The following NELL1 variants were observed in gnomAD, a reference collection of about 807,000 sequenced individuals.
The protein encoded by NELL1 is protein kinase C-binding protein NELL1.
Under a neutral mutation model 107.4 loss-of-function variants are expected in NELL1, and 76 were observed. The observed-to-expected ratio is 0.71, with a 90% confidence interval of 0.59 to 0.86. The LOEUF is 0.86. NELL1 is among the 40% of genes least tolerant of loss of function. The probability of loss-of-function intolerance (pLI) is 0.00; values close to 1 mark genes in which losing one functional copy is unlikely to be tolerated. For synonymous variants in NELL1, 353 were observed against 341.2 expected, an observed-to-expected ratio of 1.03 and a Z score of -0.38; for missense variants, 1,024 against 1,005.5, an observed-to-expected ratio of 1.02 and a Z score of -0.25.
chr11:21,437,809 G>A (rs1462750700), intron 15 of NELL1, among the ~76,000 whole-genome samples: 2 of 152,038 alleles, frequency 1.3e-5, no homozygotes, highest in African/African-American at 4.8e-5. Context: ...TGAGTTTCTT[G>A]TAGGCAGCAT....
Position 21,174,429 on chromosome 11 carries a change from A to G in NELL1, c.1427-54903A>G, listed in dbSNP as rs528005151. 1.7e-4 allele frequency among the ~76,000 whole-genome samples: 26 copies of G among 152,002 alleles called. 1 individual carries two copies. Among genetic ancestry groups the G allele is most frequent in the African/African-American group, 6.3e-4 (26 of 41,296 alleles). On this transcript the variant is annotated intron_variant, in intron 13 of 19. Coordinates refer to ENST00000357134, the MANE Select transcript of NELL1 (RefSeq NM_006157.5). Reference sequence around the variant, plus strand: ...GTGAGTGTGTACATAGTCAATAACTAAAAAGGAGCTATTGACCTTGATATA... The same window carrying G: ...GTGAGTGTGTACATAGTCAATAACTGAAAAGGAGCTATTGACCTTGATATA...
intron 12 of NELL1, among the ~76,000 whole-genome samples, chr11:21,010,607 C>T (rs1021350302): frequency 4.6e-5 from 7 of 152,192 alleles, no homozygotes; most frequent in Middle Eastern, 3.4e-3. Context: ...TGGTAATACT[C>T]GCTGTCTAGA....
At chr11:21,469,067 A>G (rs1854105938) in intron 15 of NELL1, among the ~76,000 whole-genome samples, 1 of 152,066 alleles carries the variant, frequency 6.6e-6, no homozygotes, top group Non-Finnish European at 1.5e-5. Context: ...AAGAACAGAC[A>G]TATCCTTGAA....
intron 9 of NELL1, among the ~76,000 whole-genome samples, chr11:20,931,966 C>T (rs1850627967): frequency 6.6e-6 from 1 of 152,074 alleles, no homozygotes; most frequent in South Asian, 2.1e-4. Flanking sequence ...GTTGTCTGCT[C>T]ACTCACTGAG....
chr11:21,411,610 CA>C (rs996970756), intron 15 of NELL1, among the ~76,000 whole-genome samples: 7 of 151,594 alleles, frequency 4.6e-5, no homozygotes, highest in Non-Finnish European at 1.0e-4. Flanking sequence ...AAGAGGTTGC[CA>C]AAAAAACTCA....
At position 21,114,329 on chromosome 11, in the gene NELL1, A is replaced by G. The variant is rs141326298; in HGVS notation, c.1426+615A>G. 3.1e-4 allele frequency among the ~76,000 whole-genome samples: 47 copies of G among 152,134 alleles called. No homozygotes were observed. In the East Asian group the frequency reaches 8.3e-3, roughly 27 times the overall value. ...TTCAATCATGTACATACAGACATGA[A>G]CAGTAAATTGGATAAGGGTGGTAGA... is the stretch of plus-strand genomic sequence containing the variant. On this transcript the variant is annotated intron_variant, in intron 13 of 19. Transcript: ENST00000357134.
At chr11:21,372,586 C>A (rs1350756346) in intron 15 of NELL1, among the ~76,000 whole-genome samples, 2 of 151,724 alleles carry the variant, frequency 1.3e-5, no homozygotes, top group Non-Finnish European at 2.9e-5. Flanking sequence ...CTCACAAAGC[C>A]TGTGTTATCA....
intron 2 of NELL1, among the ~76,000 whole-genome samples, chr11:20,735,371 CA>C (rs1379574638): frequency 1.1e-4 from 17 of 152,138 alleles, no homozygotes. Flanking sequence ...AACTTACAAT[CA>C]TGACAGAAGG....
intron 2 of NELL1, among the ~76,000 whole-genome samples, chr11:20,697,724 A>T (rs1046629053): frequency 6.6e-6 from 1 of 152,114 alleles, no homozygotes; most frequent in Non-Finnish European, 1.5e-5. Context: ...AGTGTGGATA[A>T]AGTCTTAAGA....
At position 20,930,462 on chromosome 11, in the gene NELL1, T is replaced by C. The variant is rs938313229; in HGVS notation, c.997+1983T>C. ...CCATTGTTTGGCTGTTGCATAACTT[T>C]TTTTTAACCAGTCCCAAGTCATTGA... On this transcript the variant is annotated intron_variant, in intron 9 of 19. Transcript: ENST00000357134. Among the ~76,000 whole-genome samples the C allele has an allele frequency of 3.3e-5, 5 of 152,250 alleles. No homozygotes were observed. In the South Asian group the frequency reaches 8.3e-4, roughly 25 times the overall value.
intron 13 of NELL1, among the ~76,000 whole-genome samples, chr11:21,219,732 G>A (rs75907842): frequency 6.6e-6 from 1 of 152,132 alleles, no homozygotes; most frequent in Non-Finnish European, 1.5e-5. Context: ...TAAGGAAGAG[G>A]TTGTCCTTTC....
chr11:21,547,991 A>G (rs573547237), intron 16 of NELL1, among the ~76,000 whole-genome samples: 1 of 151,910 alleles, frequency 6.6e-6, no homozygotes, highest in South Asian at 2.1e-4. Flanking sequence ...TAAATATACA[A>G]TCATGGCGCA....
intron 5 of NELL1, among the ~76,000 whole-genome samples, chr11:20,903,440 C>T (rs576194453): frequency 1.8e-3 from 279 of 152,146 alleles, no homozygotes; most frequent in African/African-American, 6.4e-3. Flanking sequence ...TAGACCTCCT[C>T]ATTGAGAATC....
intron 12 of NELL1, among the ~76,000 whole-genome samples, chr11:21,009,623 A>G (rs774876026): frequency 1.3e-5 from 2 of 152,020 alleles, no homozygotes; most frequent in Non-Finnish European, 2.9e-5. Context: ...TGATTTTGCC[A>G]GTTTGCTGAG....
rs139008935 is a variant in NELL1, at chr11:20,840,151, G to A, written c.336-7432G>A. ...TTTTGGTAGAATTCCATTTTTATAA[G>A]TTAAAAGAAAATGTATAGTTATATA... On this transcript the variant is annotated intron_variant, in intron 3 of 19. Coordinates refer to ENST00000357134, the MANE Select transcript of NELL1 (RefSeq NM_006157.5). Among the ~76,000 whole-genome samples the A allele has an allele frequency of 3.8e-3, 576 of 152,220 alleles. 5 individuals carry two copies. The highest frequency in any genetic ancestry group is 0.013 in the African/African-American group (548 of 41,540).
intron 13 of NELL1, among the ~76,000 whole-genome samples, chr11:21,226,218 G>T (rs1054148006): frequency 5.9e-5 from 9 of 152,144 alleles, no homozygotes; most frequent in South Asian, 2.1e-4. Context: ...AAGTTCTATG[G>T]CCTTTGTTCT....
chr11:21,295,019 T>C (rs1041321517), intron 14 of NELL1, among the ~76,000 whole-genome samples: 2 of 152,250 alleles, frequency 1.3e-5, no homozygotes, highest in East Asian at 1.9e-4. Context: ...GTTTTCGTTC[T>C]GTTATTCCAC....
intron 9 of NELL1, among the ~76,000 whole-genome samples, chr11:20,931,140 C>T (rs1036201021): frequency 6.6e-5 from 10 of 151,534 alleles, no homozygotes; most frequent in East Asian, 5.8e-4. Flanking sequence ...AAGGTAGAGA[C>T]GTGGTTTACA....
chr11:21,408,822 A>G (rs1852296364), intron 15 of NELL1, among the ~76,000 whole-genome samples: 1 of 152,150 alleles, frequency 6.6e-6, no homozygotes, highest in Non-Finnish European at 1.5e-5. Flanking sequence ...CAAAAAACAC[A>G]TGAAAAAATG....
Sources: gnomAD v4.1 joint callset for allele counts (sites outside exome capture counted in the v4.1 genomes callset) on GRCh38, gnomAD v4.1.1 for gene constraint, MANE v1.5 for transcripts, NCBI Gene and HGNC (gene_info 2026-07-23, HGNC 2026-07-21) for gene names.